KDM5A: variants seen among roughly 807,000 people sequenced by gnomAD.
KDM5A encodes lysine demethylase 5A, also known as lysine-specific demethylase 5A.
Under a neutral mutation model 193.5 loss-of-function variants are expected in KDM5A, and 42 were observed. The ratio of observed to expected loss-of-function variants is 0.22; its 90% CI spans 0.17 to 0.28. The LOEUF is 0.28. KDM5A is among the 10% of genes least tolerant of loss of function. The pLI is 1.00. For missense variants in KDM5A, 1,692 were observed against 2,055.1 expected, an observed-to-expected ratio of 0.82 and a Z score of 3.42; for synonymous variants, 796 against 718.1, an observed-to-expected ratio of 1.11 and a Z score of -1.73.
At chr12:380,097 G>A (rs1306050327) in intron 3 of KDM5A, among the ~76,000 whole-genome samples, 1 of 151,678 alleles carries the variant, frequency 6.6e-6, no homozygotes, top group African/African-American at 2.4e-5. Context: ...ACGAAACCCC[G>A]TCTCTACTAA....
intron 10 of KDM5A, among the ~76,000 whole-genome samples, chr12:341,934 A>G (rs200435811): frequency 7.9e-5 from 6 of 75,622 alleles, no homozygotes; most frequent in South Asian, 9.9e-4. Context: ...AAATGGGGGG[A>G]AAAAAAGACA....
chr12:325,928 C>G (rs1300731545), intron 14 of KDM5A, among the ~76,000 whole-genome samples: 4 of 152,106 alleles, frequency 2.6e-5, no homozygotes, highest in African/African-American at 7.2e-5. Context: ...GCAGGAGATT[C>G]ACTTGAACCC....
chr12:323,656 T>C lies in KDM5A; in HGVS notation c.2094A>G (p.Val698=). ...ACAGATCAGTTGGATGGTAGAGACA[T>C]ACAAGCCGCTCAGGATTACAGGAAC... ...LTCSCNPERL[V]CLYHPTDLCP... is the part of the protein sequence containing the mutation. The change falls in exon 15 of 28, where the codon GTA becomes GTG. Residue 698 remains valine (V), a synonymous_variant. Transcript: ENST00000399788. The C allele has an allele frequency of 1.2e-6, 2 of 1,614,180 alleles. No homozygotes were observed. Among genetic ancestry groups the C allele is most frequent in the Non-Finnish European group, 1.7e-6 (2 of 1,180,002 alleles).
At position 389,056 on chromosome 12, in the gene KDM5A, C is replaced by T. The variant is rs757041189; in HGVS notation, c.36G>A (p.Glu12=). 3 of 1,610,090 alleles carry T rather than the reference C, an allele frequency of 1.9e-6. No individual in the cohort carries two copies. In the South Asian group the frequency reaches 3.3e-5, roughly 18 times the overall value. Residue 12 remains glutamate, a synonymous_variant, in exon 1 of 28, where the codon GAG becomes GAA. Transcript: ENST00000399788. ...CGGGGCACTCTGGCGGTGGCACGAA[C>T]TCCGCCGCGTAGCCCCCCGGCCCCA... ...AGVGPGGYAA[E]FVPPPECPVF...
intron 1 of KDM5A, chr12:388,496 G>A (rs561421612): frequency 5.5e-6 from 2 of 361,562 alleles, no homozygotes; most frequent in East Asian, 7.2e-5. Flanking sequence ...CTAGAGCTCA[G>A]ATAACCTTTT....
intron 3 of KDM5A, among the ~76,000 whole-genome samples, chr12:377,195 CAG>C (rs1944516888): frequency 2.0e-5 from 3 of 152,168 alleles, no homozygotes; most frequent in African/African-American, 4.8e-5. Context: ...TTACTCTCAG[CAG>C]AGTTTGAAGA....
At chr12:291,358 G>A (rs1307268863) in intron 27 of KDM5A, among the ~76,000 whole-genome samples, 5 of 152,192 alleles carry the variant, frequency 3.3e-5, no homozygotes, top group Admixed American at 2.0e-4. Context: ...GTTTTGGAAT[G>A]TGTTTTTGTA....
intron 24 of KDM5A, among the ~76,000 whole-genome samples, chr12:302,494 T>TC (rs1477829808): frequency 6.6e-6 from 1 of 152,156 alleles, no homozygotes; most frequent in African/African-American, 2.4e-5. Context: ...CTGGATCCCT[T>TC]CCTTACACCT....
intron 19 of KDM5A, among the ~76,000 whole-genome samples, chr12:316,993 A>C (rs1048152699): frequency 6.6e-6 from 1 of 152,194 alleles, no homozygotes; most frequent in African/African-American, 2.4e-5. Flanking sequence ...CCTCATCCTC[A>C]CAATAGAAAT....
At chr12:342,852 G>C (rs926339818) in intron 10 of KDM5A, among the ~76,000 whole-genome samples, 2 of 151,462 alleles carry the variant, frequency 1.3e-5, no homozygotes, top group African/African-American at 4.9e-5. Flanking sequence ...ACAGCTTCCA[G>C]CGTGCTCAAC....
At chr12:372,906 G>A (rs953954823) in intron 3 of KDM5A, among the ~76,000 whole-genome samples, 9 of 152,270 alleles carry the variant, frequency 5.9e-5, no homozygotes, top group South Asian at 2.1e-4. Context: ...ATTGATTTGC[G>A]TATATTGAAC....
At chr12:374,620 T>C (rs1944477064) in intron 3 of KDM5A, among the ~76,000 whole-genome samples, 1 of 152,228 alleles carries the variant, frequency 6.6e-6, no homozygotes, top group Non-Finnish European at 1.5e-5. Context: ...GTCATTATGA[T>C]GTTAGCTGAT....
intron 6 of KDM5A, among the ~76,000 whole-genome samples, chr12:355,528 G>A (rs999655226): frequency 2.0e-5 from 3 of 152,156 alleles, no homozygotes; most frequent in Admixed American, 6.5e-5. Context: ...TATGCAGTAC[G>A]TACTACATAC....
At chr12:304,566 T>A (rs1018914206) in intron 24 of KDM5A, among the ~76,000 whole-genome samples, 6 of 151,706 alleles carry the variant, frequency 4.0e-5, no homozygotes, top group African/African-American at 1.5e-4. Flanking sequence ...TTACCATAAG[T>A]CTTGCCACCA....
intron 18 of KDM5A, among the ~76,000 whole-genome samples, chr12:320,039 G>C (rs940107512): frequency 2.0e-5 from 3 of 152,292 alleles, no homozygotes; most frequent in Middle Eastern, 3.4e-3. Context: ...CGTAAGAGAA[G>C]AAGAACTGCC....
At chr12:353,796 C>A (rs558283292) in intron 8 of KDM5A, among the ~76,000 whole-genome samples, 61 of 152,082 alleles carry the variant, frequency 4.0e-4, no homozygotes, top group African/African-American at 1.4e-3. Context: ...GTGGCTCGCG[C>A]CTGTAGTCCC....
chr12:343,666 T>A (rs1029274703), intron 10 of KDM5A, among the ~76,000 whole-genome samples: 32 of 152,138 alleles, frequency 2.1e-4, no homozygotes, highest in African/African-American at 7.0e-4. Flanking sequence ...GATCTGCAGC[T>A]GAGGGTCCTG....
chr12:376,381 G>A (rs758050614), intron 3 of KDM5A, among the ~76,000 whole-genome samples: 1 of 152,248 alleles, frequency 6.6e-6, no homozygotes, highest in African/African-American at 2.4e-5. Flanking sequence ...CTCCAAGCCA[G>A]GTGCAGGATA....
chr12:357,755 G>A (rs562925507), intron 5 of KDM5A, among the ~76,000 whole-genome samples: 1 of 146,004 alleles, frequency 6.8e-6, no homozygotes, highest in South Asian at 2.2e-4. Flanking sequence ...TTGAACCCAG[G>A]AGGTGGAGGT....
Sources: allele counts gnomAD v4.1 joint callset (sites outside exome capture counted in the v4.1 genomes callset), GRCh38; gene constraint gnomAD v4.1.1; transcripts MANE v1.5; gene names NCBI Gene and HGNC (gene_info 2026-07-23, HGNC 2026-07-21).